CNTN4: variants seen among roughly 807,000 people sequenced by gnomAD.
CNTN4 encodes the protein contactin 4.
CNTN4 carries 77 observed loss-of-function variants against 122.5 expected under a neutral mutation model. That is an observed-to-expected ratio of 0.63 (90% CI 0.52 to 0.76). CNTN4 has a LOEUF of 0.76. CNTN4 is among the 30% of genes least tolerant of loss of function. The probability of loss-of-function intolerance (pLI) is 0.00; values close to 1 mark genes in which losing one functional copy is unlikely to be tolerated. For synonymous variants in CNTN4, 512 were observed against 447.0 expected (o/e 1.15, Z -1.83); for missense variants, 1,256 against 1,259.1 (o/e 1.00, Z 0.04).
chr3:2,130,605 T>C (rs1000013721), intron 2 of CNTN4, among the ~76,000 whole-genome samples: 1 of 152,208 alleles, frequency 6.6e-6, no homozygotes, highest in Non-Finnish European at 1.5e-5. Context: ...ATATAAGCAG[T>C]ATTAGTTCAG....
intron 2 of CNTN4, among the ~76,000 whole-genome samples, chr3:2,289,959 A>G (rs1263625386): frequency 6.6e-6 from 1 of 151,742 alleles, no homozygotes; most frequent in African/African-American, 2.4e-5. Flanking sequence ...GGGTTACAGA[A>G]TGTTCATTAT....
intron 2 of CNTN4, among the ~76,000 whole-genome samples, chr3:2,125,330 C>CTCTCTGTGTGTGTGTGTG (rs138301374): frequency 6.3e-5 from 9 of 143,364 alleles, no homozygotes; most frequent in African/African-American, 2.3e-4. Flanking sequence ...ATTCTATTCT[C>CTCTCTGTGTGTGTGTGTG]TGTGTGTGTG....
At chr3:2,692,328 G>T (rs1280294064) in intron 4 of CNTN4, among the ~76,000 whole-genome samples, 1 of 152,022 alleles carries the variant, frequency 6.6e-6, no homozygotes, top group Non-Finnish European at 1.5e-5. Flanking sequence ...CTTTACCTCC[G>T]CTACCTATGC....
intron 15 of CNTN4, among the ~76,000 whole-genome samples, chr3:3,028,198 A>G (rs1462674844): frequency 6.6e-6 from 1 of 152,198 alleles, no homozygotes; most frequent in Non-Finnish European, 1.5e-5. Flanking sequence ...TTATTATTTC[A>G]TTGTCCTCTG....
At chr3:2,690,216 A>T in intron 4 of CNTN4, among the ~76,000 whole-genome samples, 1 of 152,140 alleles carries the variant, frequency 6.6e-6, no homozygotes, top group East Asian at 1.9e-4. Flanking sequence ...GTAACATTTC[A>T]GTTAAATTAT....
chr3:2,548,819 T>G (rs1448274401), intron 3 of CNTN4, among the ~76,000 whole-genome samples: 1 of 152,184 alleles, frequency 6.6e-6, no homozygotes, highest in Non-Finnish European at 1.5e-5. Context: ...CATGGAATGT[T>G]TTTCCTTTTG....
chr3:2,760,215 G>T (rs1194053770), intron 6 of CNTN4, among the ~76,000 whole-genome samples: 1 of 151,994 alleles, frequency 6.6e-6, no homozygotes, highest in Non-Finnish European at 1.5e-5. Flanking sequence ...TTTGTTGCAT[G>T]TGCTCTTGTT....
intron 4 of CNTN4, among the ~76,000 whole-genome samples, chr3:2,714,775 T>C (rs1202086440): frequency 6.6e-6 from 1 of 152,164 alleles, no homozygotes. Flanking sequence ...TCTCGCTCTG[T>C]CACCCAGGCT....
chr3:2,642,304 C>T (rs1057115103), intron 4 of CNTN4, among the ~76,000 whole-genome samples: 5 of 152,118 alleles, frequency 3.3e-5, no homozygotes, highest in Admixed American at 1.3e-4. Flanking sequence ...GCTTTTATTC[C>T]GGCTGCACTG....
intron 3 of CNTN4, among the ~76,000 whole-genome samples, chr3:2,383,091 T>G (rs973104694): frequency 6.7e-6 from 1 of 149,940 alleles, no homozygotes; most frequent in Non-Finnish European, 1.5e-5. Flanking sequence ...AAAAAAAAAG[T>G]AAGATAAATA....
intron 3 of CNTN4, among the ~76,000 whole-genome samples, chr3:2,357,362 C>T (rs925064353): frequency 2.0e-5 from 3 of 152,170 alleles, no homozygotes; most frequent in Non-Finnish European, 2.9e-5. Context: ...GAATTAAAAG[C>T]TAGATTCTGG....
At chr3:2,416,809 T>A (rs143079371) in intron 3 of CNTN4, among the ~76,000 whole-genome samples, 4 of 151,984 alleles carry the variant, frequency 2.6e-5, no homozygotes, top group Admixed American at 2.0e-4. Context: ...GCCTGCAACC[T>A]CGCCCGGCTA....
At chr3:2,955,848 G>A (rs544837582) in intron 13 of CNTN4, among the ~76,000 whole-genome samples, 4 of 151,892 alleles carry the variant, frequency 2.6e-5, no homozygotes, top group Admixed American at 2.6e-4. Context: ...TGCACAGCTA[G>A]TGGGGATGTA....
chr3:2,579,316 G>A (rs2079832912), intron 4 of CNTN4, among the ~76,000 whole-genome samples: 1 of 152,202 alleles, frequency 6.6e-6, no homozygotes, highest in Non-Finnish European at 1.5e-5. Context: ...GTCAACCTGT[G>A]TGATCATTCT....
At chr3:2,172,397 G>A (rs763579966) in intron 2 of CNTN4, among the ~76,000 whole-genome samples, 24 of 152,090 alleles carry the variant, frequency 1.6e-4, no homozygotes, top group Non-Finnish European at 3.1e-4. Context: ...TTGGGGACTT[G>A]AGGGGAAGGG....
At chr3:2,554,059 C>T (rs757683234) in intron 3 of CNTN4, among the ~76,000 whole-genome samples, 2 of 152,128 alleles carry the variant, frequency 1.3e-5, no homozygotes, top group East Asian at 1.9e-4. Flanking sequence ...AATTAATCTA[C>T]ATCACAAACC....
chr3:2,943,847 C>T (rs188461862), intron 13 of CNTN4, among the ~76,000 whole-genome samples: 2 of 151,584 alleles, frequency 1.3e-5, no homozygotes, highest in African/African-American at 2.4e-5. Context: ...TGGTCTCGAT[C>T]TCCTGACCTC....
At chr3:2,322,815 T>A (rs1145047) in intron 2 of CNTN4, among the ~76,000 whole-genome samples, 125,961 of 151,888 alleles carry the variant, frequency 0.83, 52,720 homozygotes, top group East Asian at 1. Flanking sequence ...ATTGAGCAAC[T>A]AGCTGTGTGT....
chr3:2,282,775 C>G (rs929165436), intron 2 of CNTN4, among the ~76,000 whole-genome samples: 16 of 152,226 alleles, frequency 1.1e-4, no homozygotes, highest in African/African-American at 3.8e-4. Context: ...TTCGATTAAA[C>G]AAAATCTGGC....
Sources: allele counts gnomAD v4.1 joint callset (sites outside exome capture counted in the v4.1 genomes callset), GRCh38; gene constraint gnomAD v4.1.1; transcripts MANE v1.5; gene names NCBI Gene and HGNC (gene_info 2026-07-23, HGNC 2026-07-21).